KCNT2: variants seen among roughly 807,000 people sequenced by gnomAD.
KCNT2 encodes the protein potassium channel subfamily T member 2.
Under a neutral mutation model 153.8 loss-of-function variants are expected in KCNT2, and 67 were observed. That is an observed-to-expected ratio of 0.44 (90% CI 0.36 to 0.53). The LOEUF is 0.53. Ranked by LOEUF, KCNT2 falls within the 20% of genes least tolerant of loss-of-function variation. KCNT2 has a pLI of 0.00. For missense variants in KCNT2, 975 were observed against 1,354.8 expected, an observed-to-expected ratio of 0.72 and a Z score of 4.40; for synonymous variants, 500 against 458.8, an observed-to-expected ratio of 1.09 and a Z score of -1.15.
intron 18 of KCNT2, among the ~76,000 whole-genome samples, chr1:196,329,208 G>C (rs1231146921): frequency 6.6e-6 from 1 of 152,000 alleles, no homozygotes; most frequent in Non-Finnish European, 1.5e-5. Flanking sequence ...AGACACAGTA[G>C]AGTCAGCTGC....
rs142754974 is a variant in KCNT2 at position 196,501,929 on chromosome 1, G to A, written c.96-9588C>T. Among the ~76,000 whole-genome samples, 240 of 152,184 alleles carry A rather than the reference G, an allele frequency of 1.6e-3. 4 individuals are homozygous for A. In the East Asian group the frequency reaches 0.039, roughly 24 times the overall value. ...AGCTCAGGAGTTTGAGACCAGCCTG[G>A]GCAACACGGTGAAACCTCATCTCTA... On this transcript the variant is annotated intron_variant, in intron 1 of 27. Coordinates refer to ENST00000294725, the MANE Select transcript of KCNT2 (RefSeq NM_198503.5).
At chr1:196,524,870 C>G (rs1202362782) in intron 1 of KCNT2, among the ~76,000 whole-genome samples, 2 of 152,042 alleles carry the variant, frequency 1.3e-5, no homozygotes, top group Non-Finnish European at 2.9e-5. Context: ...TGTCTTCTAG[C>G]TTAAAAAATA....
chr1:196,277,977 ATTT>A (rs753891494), intron 25 of KCNT2, among the ~76,000 whole-genome samples: 4 of 152,042 alleles, frequency 2.6e-5, no homozygotes, highest in Non-Finnish European at 5.9e-5. Context: ...CTTTAATGGT[ATTT>A]TTTTCATCTT....
chr1:196,444,318 C>A (rs1169526431), intron 8 of KCNT2, among the ~76,000 whole-genome samples: 1 of 151,404 alleles, frequency 6.6e-6, no homozygotes, highest in African/African-American at 2.4e-5. Flanking sequence ...CCTTTACTCC[C>A]TTCCCAGTAA....
At chr1:196,573,569 T>C (rs1013593280) in intron 1 of KCNT2, among the ~76,000 whole-genome samples, 1 of 152,044 alleles carries the variant, frequency 6.6e-6, no homozygotes, top group Non-Finnish European at 1.5e-5. Flanking sequence ...ATATTTTCTT[T>C]AAGCTGTTTT....
chr1:196,254,994 G>A (rs1026230105), intron 26 of KCNT2, among the ~76,000 whole-genome samples: 2 of 151,222 alleles, frequency 1.3e-5, no homozygotes, highest in African/African-American at 2.4e-5. Context: ...AACAATACAC[G>A]TCCAAATCAG....
chr1:196,556,741 A>G lies in KCNT2; in HGVS notation c.95+51474T>C, dbSNP rs988092925. Among the ~76,000 whole-genome samples the G allele has an allele frequency of 2.6e-5, 4 of 151,644 alleles. 1 individual carries two copies. Among genetic ancestry groups the G allele is most frequent in the African/African-American group, 9.6e-5 (4 of 41,500 alleles). ...TTTGAAGCAACATAAGTGTCCGTCG[A>G]CAGGTGAATGGGTAAAGAAAATGTG... On this transcript the variant is annotated intron_variant, in intron 1 of 27. Coordinates refer to ENST00000294725, the MANE Select transcript of KCNT2 (RefSeq NM_198503.5).
At chr1:196,273,914 A>G (rs570929531) in intron 25 of KCNT2, among the ~76,000 whole-genome samples, 1 of 151,830 alleles carries the variant, frequency 6.6e-6, no homozygotes, top group Non-Finnish European at 1.5e-5. Context: ...TAAAAGTTTG[A>G]TAGAAAAAGT....
chr1:196,377,625 G>T (rs1669084640), intron 13 of KCNT2, among the ~76,000 whole-genome samples: 1 of 151,942 alleles, frequency 6.6e-6, no homozygotes, highest in African/African-American at 2.4e-5. Context: ...ATAGAGAGCT[G>T]ATCTGAGGTA....
rs1424765625 is a variant in KCNT2, at chr1:196,373,149, G to C, written c.1394C>G (p.Ser465Cys). 10 of 1,465,522 alleles carry C rather than the reference G, an allele frequency of 6.8e-6. No individual in the cohort carries two copies. The highest frequency in any genetic ancestry group is 1.4e-5 in the African/African-American group (1 of 71,654). The allele number at this position is 1,465,522 out of a possible 1,614,324, so 90.8% of individuals were successfully genotyped here. ...STLITLLVHT[S>C]RGQEGQQSPE... ...GAAAAAATATACTTACTGCCCTCTA[G>C]AGGTATGAACCAGTAGTGTAATAAG... The change falls in exon 14 of 28, where the codon TCT becomes TGT. Residue 465 changes from serine to cysteine, a missense_variant. By Grantham distance (112) the Ser-to-Cys change is moderately radical. Around this residue, in one of 6 missense-constraint regions of KCNT2, gnomAD observed 325 missense variants for 388.1 expected, o/e 0.84. Transcript: ENST00000294725.
chr1:196,408,245 C>A (rs1671996837), intron 12 of KCNT2, among the ~76,000 whole-genome samples: 1 of 151,562 alleles, frequency 6.6e-6, no homozygotes, highest in South Asian at 2.1e-4. Context: ...AAGTTTTACA[C>A]CCTTATCCAA....
At chr1:196,597,526 G>C (rs192948044) in intron 1 of KCNT2, among the ~76,000 whole-genome samples, 1 of 152,034 alleles carries the variant, frequency 6.6e-6, no homozygotes, top group African/African-American at 2.4e-5. Flanking sequence ...ATAGGAGAGT[G>C]GATAAGAATA....
At chr1:196,553,617 T>C (rs746324735) in intron 1 of KCNT2, among the ~76,000 whole-genome samples, 12 of 151,230 alleles carry the variant, frequency 7.9e-5, no homozygotes, top group Non-Finnish European at 1.2e-4. Flanking sequence ...TGAGACTTAA[T>C]GTGCACTATA....
At chr1:196,390,917 A>G in intron 13 of KCNT2, among the ~76,000 whole-genome samples, 1 of 145,106 alleles carries the variant, frequency 6.9e-6, no homozygotes, top group South Asian at 2.2e-4. Context: ...TTAAAAAAAA[A>G]CATATGTTAG....
At chr1:196,344,471 A>G (rs562414766) in intron 14 of KCNT2, among the ~76,000 whole-genome samples, 94 of 152,280 alleles carry the variant, frequency 6.2e-4, no homozygotes, top group South Asian at 1.2e-3. Context: ...CTGGTGGAAA[A>G]AACGTTCCCT....
intron 12 of KCNT2, among the ~76,000 whole-genome samples, chr1:196,402,522 T>A (rs1357458080): frequency 2.6e-5 from 4 of 151,498 alleles, no homozygotes; most frequent in Non-Finnish European, 5.9e-5. Flanking sequence ...CAAAAAAAAT[T>A]CAAAAGGCAC....
intron 14 of KCNT2, among the ~76,000 whole-genome samples, chr1:196,346,058 A>G (rs1456594806): frequency 1.3e-5 from 2 of 152,176 alleles, no homozygotes; most frequent in African/African-American, 4.8e-5. Context: ...AATACTAGGT[A>G]CATGGGTGTT....
chr1:196,557,427 A>T (rs1658828025), intron 1 of KCNT2, among the ~76,000 whole-genome samples: 1 of 151,262 alleles, frequency 6.6e-6, no homozygotes, highest in Non-Finnish European at 1.5e-5. Context: ...AGCAAATGCC[A>T]TCATATCATT....
rs565072860 is a variant in KCNT2 at position 196,406,696 on chromosome 1, A to G, written c.1186-8025T>C. 2.7e-3 allele frequency among the ~76,000 whole-genome samples: 407 copies of G among 151,506 alleles called. 3 individuals carry two copies. Among genetic ancestry groups the G allele is most frequent in the African/African-American group, 9.3e-3 (387 of 41,442 alleles). ...TAATTTTGTCCTCCTGCCAAGTTTCAGCAGAAGGGATTTAACAGTATATCT... is the reference window on the plus strand; with the variant it reads ...TAATTTTGTCCTCCTGCCAAGTTTCGGCAGAAGGGATTTAACAGTATATCT... On this transcript the variant is annotated intron_variant, in intron 12 of 27. Coordinates refer to ENST00000294725, the MANE Select transcript of KCNT2 (RefSeq NM_198503.5).
Sources: allele counts gnomAD v4.1 joint callset (sites outside exome capture counted in the v4.1 genomes callset), GRCh38; gene constraint gnomAD v4.1.1; regional missense constraint gnomAD v4.1.1; transcripts MANE v1.5; gene names NCBI Gene and HGNC (gene_info 2026-07-23, HGNC 2026-07-21).